The following RORB variants were observed in gnomAD, a reference collection of about 807,000 sequenced individuals.
RORB encodes the protein RAR related orphan receptor B.
Under a neutral mutation model 59.1 loss-of-function variants are expected in RORB, and 6 were observed. The ratio of observed to expected loss-of-function variants is 0.10; its 90% CI spans 0.06 to 0.20. The LOEUF is 0.20. RORB is among the 10% of genes least tolerant of loss of function. The pLI is 1.00. For missense variants in RORB, 320 were observed against 560.5 expected, an observed-to-expected ratio of 0.57 and a Z score of 4.33; for synonymous variants, 215 against 204.5, an observed-to-expected ratio of 1.05 and a Z score of -0.44.
At chr9:74,632,224 A>G (rs1280273012) in intron 2 of RORB, among the ~76,000 whole-genome samples, 2 of 152,190 alleles carry the variant, frequency 1.3e-5, no homozygotes, top group African/African-American at 4.8e-5. Context: ...GCCAAGAACA[A>G]GTGTCATCTT....
At chr9:74,531,700 A>C (rs188735720) in intron 1 of RORB, among the ~76,000 whole-genome samples, 9 of 152,086 alleles carry the variant, frequency 5.9e-5, no homozygotes, top group African/African-American at 1.9e-4. Flanking sequence ...TAAGCCCTAC[A>C]TTTTTTAATG....
At chr9:74,500,459 G>C (rs563625754) in intron 1 of RORB, among the ~76,000 whole-genome samples, 13 of 152,230 alleles carry the variant, frequency 8.5e-5, no homozygotes, top group Non-Finnish European at 1.8e-4. Context: ...GCTTTCGCTC[G>C]TGCAGGGCTA....
intron 1 of RORB, chr9:74,498,611 G>T (rs1587326574): frequency 1.3e-5 from 2 of 152,458 alleles, no homozygotes; most frequent in African/African-American, 4.8e-5. Context: ...CCGGCGCTGC[G>T]CCCTGGCCAG....
intron 3 of RORB, among the ~76,000 whole-genome samples, chr9:74,640,321 G>A (rs1327826): frequency 0.95 from 144,576 of 152,092 alleles, 69,160 homozygotes; most frequent in East Asian, 1. Flanking sequence ...GCTCACTGCA[G>A]TTTCTGCCTC....
At chr9:74,629,858 T>G (rs1823586957) in intron 1 of RORB, among the ~76,000 whole-genome samples, 1 of 152,210 alleles carries the variant, frequency 6.6e-6, no homozygotes, top group Admixed American at 6.5e-5. Context: ...TTTTGCTTTA[T>G]TTATGTATTT....
At chr9:74,521,518 A>T (rs909294029) in intron 1 of RORB, among the ~76,000 whole-genome samples, 1 of 151,900 alleles carries the variant, frequency 6.6e-6, no homozygotes, top group Non-Finnish European at 1.5e-5. Flanking sequence ...AAACTTTAAA[A>T]TAAGTCTTCA....
At chr9:74,574,188 A>G (rs1174550959) in intron 1 of RORB, among the ~76,000 whole-genome samples, 1 of 152,126 alleles carries the variant, frequency 6.6e-6, no homozygotes. Context: ...GAGCAGGAAC[A>G]GCTTTGACTC....
At chr9:74,603,671 G>A (rs765118511) in intron 1 of RORB, among the ~76,000 whole-genome samples, 60 of 152,146 alleles carry the variant, frequency 3.9e-4, no homozygotes, top group Admixed American at 8.5e-4. Flanking sequence ...AACTTACTTA[G>A]TCCATTACTA....
At chr9:74,618,395 G>T (rs963819998) in intron 1 of RORB, among the ~76,000 whole-genome samples, 1 of 152,068 alleles carries the variant, frequency 6.6e-6, no homozygotes. Flanking sequence ...TCAGTGTGGG[G>T]TGATAGTCCA....
chr9:74,523,128 A>T (rs1283896032), intron 1 of RORB, among the ~76,000 whole-genome samples: 1 of 151,722 alleles, frequency 6.6e-6, no homozygotes, highest in Non-Finnish European at 1.5e-5. Flanking sequence ...CTATAGTCTT[A>T]TGTTTTTCCC....
intron 4 of RORB, among the ~76,000 whole-genome samples, chr9:74,651,399 G>A (rs1201469606): frequency 1.3e-5 from 2 of 152,134 alleles, no homozygotes; most frequent in Admixed American, 1.3e-4. Context: ...TCCAGGTGTG[G>A]TGACACGTGC....
At chr9:74,600,178 C>A (rs921014756) in intron 1 of RORB, among the ~76,000 whole-genome samples, 3 of 152,114 alleles carry the variant, frequency 2.0e-5, no homozygotes, top group African/African-American at 7.2e-5. Context: ...GCAATAAGCT[C>A]CAGACTTGTA....
intron 1 of RORB, among the ~76,000 whole-genome samples, chr9:74,540,166 TTA>T (rs200126008): frequency 0.021 from 3,207 of 152,254 alleles, 39 homozygotes; most frequent in Non-Finnish European, 0.032. Context: ...TATATTTTGT[TTA>T]TGTCATTGAT....
At chr9:74,608,213 C>T (rs112176509) in intron 1 of RORB, among the ~76,000 whole-genome samples, 51 of 152,154 alleles carry the variant, frequency 3.4e-4, no homozygotes, top group African/African-American at 1.2e-3. Context: ...TAAATAGCTT[C>T]GATTTCTACT....
intron 9 of RORB, among the ~76,000 whole-genome samples, chr9:74,672,748 C>T (rs1242316152): frequency 2.0e-5 from 3 of 152,116 alleles, no homozygotes; most frequent in Admixed American, 6.6e-5. Flanking sequence ...CCAGAATTAT[C>T]GTAGATTTTA....
Position 74,497,895 on chromosome 9 carries a change from T to C in RORB, c.-82T>C. 1 of 1,552,052 alleles carries C rather than the reference T, an allele frequency of 6.4e-7. No individual in the cohort carries two copies. Among genetic ancestry groups the C allele is most frequent in the Admixed American group, 1.8e-5 (1 of 55,090 alleles). ...CTTCGCCGACCACCTTCTTCACTCG[T>C]GCTGAGCGGGATTTTTGGGCTCTCC... On this transcript the variant is annotated 5_prime_UTR_variant, in exon 1 of 10. Transcript: ENST00000376896.
At chr9:74,540,424 A>G (rs748633674) in intron 1 of RORB, among the ~76,000 whole-genome samples, 13 of 152,350 alleles carry the variant, frequency 8.5e-5, no homozygotes, top group Non-Finnish European at 1.6e-4. Flanking sequence ...AAGGGTCTTA[A>G]TGAGTATTAA....
intron 1 of RORB, among the ~76,000 whole-genome samples, chr9:74,626,884 C>A (rs539401109): frequency 6.6e-6 from 1 of 152,184 alleles, no homozygotes; most frequent in East Asian, 1.9e-4. Flanking sequence ...ATAGTATAGA[C>A]CGGGCATGGT....
chr9:74,595,874 T>C (rs1822963619), intron 1 of RORB, among the ~76,000 whole-genome samples: 1 of 152,174 alleles, frequency 6.6e-6, no homozygotes, highest in Non-Finnish European at 1.5e-5. Flanking sequence ...GCACGTTGCG[T>C]TGGGCTCCTC....
Sources: gnomAD v4.1 joint callset for allele counts (sites outside exome capture counted in the v4.1 genomes callset) on GRCh38, gnomAD v4.1.1 for gene constraint, MANE v1.5 for transcripts, NCBI Gene and HGNC (gene_info 2026-07-23, HGNC 2026-07-21) for gene names.